Variants in HCN1 observed in about 807,000 individuals in gnomAD.
HCN1 encodes potassium/sodium hyperpolarization-activated cyclic nucleotide-gated channel 1.
HCN1 carries 13 observed loss-of-function variants against 78.9 expected under a neutral mutation model. The observed-to-expected ratio is 0.16, with a 90% CI of 0.11 to 0.26. The LOEUF (loss-of-function observed/expected upper bound fraction) is 0.26. HCN1 is among the 10% of genes least tolerant of loss of function. HCN1 has a pLI of 1.00. For missense variants in HCN1, 810 were observed against 1,154.3 expected (o/e 0.70, Z 4.32); for synonymous variants, 552 against 455.5 (o/e 1.21, Z -2.70).
In HCN1 at chr5:45,395,609, A is replaced by C. The variant is rs552030528; in HGVS notation, c.1230+883T>G. Among the ~76,000 whole-genome samples the C allele has an allele frequency of 2.6e-5, 4 of 152,286 alleles. 1 individual carries two copies. The highest frequency in any genetic ancestry group is 9.6e-5 in the African/African-American group (4 of 41,566). ...ATGTTTTGAAAACAATTCTGAGACTAAGCTGTTATCACTCACCAAGAGAAA... is the reference window on the plus strand; with the variant it reads ...ATGTTTTGAAAACAATTCTGAGACTCAGCTGTTATCACTCACCAAGAGAAA... On this transcript the variant is annotated intron_variant, in intron 4 of 7. Coordinates refer to ENST00000303230, the MANE Select transcript of HCN1 (RefSeq NM_021072.4).
chr5:45,373,225 T>C (rs1200666215), intron 4 of HCN1, among the ~76,000 whole-genome samples: 4 of 117,092 alleles, frequency 3.4e-5, no homozygotes, highest in African/African-American at 1.0e-4. Context: ...ATATATAATA[T>C]ATATTTTACA....
intron 2 of HCN1, among the ~76,000 whole-genome samples, chr5:45,482,335 T>G (rs1347948799): frequency 3.9e-5 from 6 of 152,200 alleles, no homozygotes; most frequent in Admixed American, 2.6e-4. Flanking sequence ...AATTCTTTCA[T>G]GTGGACTAGA....
chr5:45,563,556 A>C (rs1743647819), intron 2 of HCN1, among the ~76,000 whole-genome samples: 1 of 152,164 alleles, frequency 6.6e-6, no homozygotes, highest in African/African-American at 2.4e-5. Context: ...TAAGATTTAC[A>C]AGTATAAGAC....
chr5:45,418,974 A>G (rs1740171878), intron 3 of HCN1, among the ~76,000 whole-genome samples: 1 of 152,172 alleles, frequency 6.6e-6, no homozygotes, highest in Non-Finnish European at 1.5e-5. Context: ...TGTGATTTAT[A>G]GTGATGCATT....
intron 2 of HCN1, among the ~76,000 whole-genome samples, chr5:45,566,705 A>C (rs545197364): frequency 6.6e-6 from 1 of 152,354 alleles, no homozygotes; most frequent in South Asian, 2.1e-4. Context: ...CCTTGACTAC[A>C]GGTCCTCATA....
intron 2 of HCN1, among the ~76,000 whole-genome samples, chr5:45,532,782 G>A (rs960095638): frequency 2.0e-5 from 3 of 152,144 alleles, no homozygotes; most frequent in African/African-American, 7.2e-5. Flanking sequence ...ACAGTATTCT[G>A]AGTTTTTTAT....
At chr5:45,416,014 A>C (rs1433909637) in intron 3 of HCN1, among the ~76,000 whole-genome samples, 1 of 152,026 alleles carries the variant, frequency 6.6e-6, no homozygotes, top group East Asian at 1.9e-4. Context: ...CTTAAGATTC[A>C]GGGTATTTCT....
intron 6 of HCN1, among the ~76,000 whole-genome samples, chr5:45,276,710 G>T (rs918095631): frequency 5.9e-5 from 9 of 151,992 alleles, no homozygotes; most frequent in Non-Finnish European, 1.3e-4. Context: ...AAAAAGATTT[G>T]AGCATAATTC....
chr5:45,513,516 T>C (rs1217407334), intron 2 of HCN1, among the ~76,000 whole-genome samples: 4 of 152,126 alleles, frequency 2.6e-5, no homozygotes, highest in Non-Finnish European at 5.9e-5. Context: ...CTGGCATTGG[T>C]CCCTGGACTG....
chr5:45,614,912 AT>A (rs1008251415), intron 2 of HCN1, among the ~76,000 whole-genome samples: 1 of 151,886 alleles, frequency 6.6e-6, no homozygotes, highest in African/African-American at 2.4e-5. Context: ...CTATTGGTTC[AT>A]TTAGTTGGAA....
intron 1 of HCN1, among the ~76,000 whole-genome samples, chr5:45,671,035 C>A (rs1746141167): frequency 6.6e-6 from 1 of 151,560 alleles, no homozygotes; most frequent in Admixed American, 6.6e-5. Flanking sequence ...AGCTTTAATT[C>A]CTTGAAAAGT....
At chr5:45,684,554 T>C (rs568333885) in intron 1 of HCN1, among the ~76,000 whole-genome samples, 1 of 152,200 alleles carries the variant, frequency 6.6e-6, no homozygotes, top group South Asian at 2.1e-4. Context: ...GAACAGTTGT[T>C]CTCCCTTTAA....
At chr5:45,491,128 C>T (rs527450527) in intron 2 of HCN1, among the ~76,000 whole-genome samples, 63 of 152,166 alleles carry the variant, frequency 4.1e-4, no homozygotes, top group Admixed American at 1.6e-3. Context: ...AAGTAATAAG[C>T]GAATCACACT....
intron 2 of HCN1, among the ~76,000 whole-genome samples, chr5:45,472,506 A>C (rs1741411326): frequency 7.0e-6 from 1 of 142,186 alleles, no homozygotes; most frequent in Non-Finnish European, 1.6e-5. Flanking sequence ...GGGGAAAGAC[A>C]AGATGGAGGG....
intron 7 of HCN1, among the ~76,000 whole-genome samples, chr5:45,263,610 C>G (rs1286411821): frequency 1.3e-5 from 2 of 152,102 alleles, no homozygotes; most frequent in African/African-American, 4.8e-5. Flanking sequence ...TGTCTTACAC[C>G]AGTCATTCTC....
At chr5:45,550,361 C>G (rs1252563327) in intron 2 of HCN1, among the ~76,000 whole-genome samples, 1 of 151,944 alleles carries the variant, frequency 6.6e-6, no homozygotes, top group Non-Finnish European at 1.5e-5. Context: ...CATGGATGAC[C>G]TGGAAACCAT....
chr5:45,536,064 GA>G (rs1742964011), intron 2 of HCN1, among the ~76,000 whole-genome samples: 1 of 152,016 alleles, frequency 6.6e-6, no homozygotes, highest in Non-Finnish European at 1.5e-5. Context: ...TGTTTCTTGT[GA>G]AAACTCCACT....
At chr5:45,470,710 G>C (rs1741373781) in intron 2 of HCN1, among the ~76,000 whole-genome samples, 1 of 151,928 alleles carries the variant, frequency 6.6e-6, no homozygotes, top group Non-Finnish European at 1.5e-5. Context: ...GTATAAGTTT[G>C]ATTTTTCATA....
At position 45,374,219 on chromosome 5, in the gene HCN1, T is replaced by C. The variant is rs574754725; in HGVS notation, c.1231-20973A>G. On this transcript the variant is annotated intron_variant, in intron 4 of 7. Transcript: ENST00000303230. ...TTATATACATAACATATATATTATG[T>C]ACATTATATACATAACATATATATT... Among the ~76,000 whole-genome samples, 309 of 118,972 alleles carry C rather than the reference T, an allele frequency of 2.6e-3. 1 individual carries two copies. The highest frequency in any genetic ancestry group is 8.6e-3 in the African/African-American group (293 of 34,092). 78.1% of individuals were successfully genotyped at this position (118,972 alleles called of 152,430 possible).
Sources: allele counts gnomAD v4.1 joint callset (sites outside exome capture counted in the v4.1 genomes callset), GRCh38; gene constraint gnomAD v4.1.1; transcripts MANE v1.5; gene names NCBI Gene and HGNC (gene_info 2026-07-23, HGNC 2026-07-21).